The following VMP1 variants were observed in gnomAD, a reference collection of about 807,000 sequenced individuals.
VMP1 encodes vacuole membrane protein 1, also known as ectopic P-granules autophagy protein 3 homolog.
In VMP1, 11 loss-of-function variants were observed where a neutral mutation model predicts 56.0. The ratio of observed to expected loss-of-function variants is 0.20; its 90% confidence interval spans 0.12 to 0.32. The LOEUF is 0.32. Among genes scored for constraint, VMP1 ranks in the 10% least tolerant of loss-of-function variants. The pLI, the probability that VMP1 is intolerant of heterozygous loss-of-function variation, is 1.00. For synonymous variants in VMP1, 149 were observed against 165.0 expected, an observed-to-expected ratio of 0.90 and a Z score of 0.74; for missense variants, 296 against 490.3, an observed-to-expected ratio of 0.60 and a Z score of 3.74.
At chr17:59,831,871 GTGTT>G (rs1468342643) in intron 10 of VMP1, among the ~76,000 whole-genome samples, 3 of 151,378 alleles carry the variant, frequency 2.0e-5, no homozygotes, top group South Asian at 2.1e-4. Context: ...TGTTGGAAAT[GTGTT>G]TGTTTGTTTC....
At chr17:59,835,122 T>C (rs2038938234) in intron 10 of VMP1, among the ~76,000 whole-genome samples, 1 of 151,694 alleles carries the variant, frequency 6.6e-6, no homozygotes, top group East Asian at 2.0e-4. Flanking sequence ...TTTGTTTTTT[T>C]GCTTTTTTGT....
intron 1 of VMP1, among the ~76,000 whole-genome samples, chr17:59,712,118 G>T (rs1488103853): frequency 1.3e-5 from 2 of 152,196 alleles, no homozygotes; most frequent in African/African-American, 4.8e-5. Flanking sequence ...ATTTAGAACA[G>T]TGTCTGTAGC....
intron 10 of VMP1, among the ~76,000 whole-genome samples, chr17:59,822,232 T>C (rs1056468872): frequency 6.6e-6 from 1 of 152,028 alleles, no homozygotes; most frequent in Admixed American, 6.6e-5. Context: ...AAGGGTATCC[T>C]TTTAGTCTTT....
chr17:59,754,845 A>G (rs1243816594), intron 5 of VMP1, among the ~76,000 whole-genome samples: 2 of 152,198 alleles, frequency 1.3e-5, no homozygotes, highest in African/African-American at 4.8e-5. Flanking sequence ...GGTTTTTGCC[A>G]AGGAAAAGGG....
intron 1 of VMP1, among the ~76,000 whole-genome samples, chr17:59,728,279 T>A (rs1253183117): frequency 6.6e-6 from 1 of 152,326 alleles, no homozygotes; most frequent in Admixed American, 6.5e-5. Flanking sequence ...CCCATGACCA[T>A]ATCATATTCT....
chr17:59,776,603 C>T (rs1375020626), intron 7 of VMP1, among the ~76,000 whole-genome samples: 1 of 152,162 alleles, frequency 6.6e-6, no homozygotes. Context: ...TCCCAAATTT[C>T]ACATACTTAT....
chr17:59,767,980 C>A (rs1057248831), intron 6 of VMP1, among the ~76,000 whole-genome samples: 18 of 151,600 alleles, frequency 1.2e-4, no homozygotes, highest in Non-Finnish European at 1.5e-4. Context: ...CATGGTGGCT[C>A]ACACCTGTAT....
intron 7 of VMP1, among the ~76,000 whole-genome samples, chr17:59,807,200 T>C (rs2037872918): frequency 7.6e-6 from 1 of 131,672 alleles, no homozygotes; most frequent in Non-Finnish European, 1.6e-5. Context: ...TGTTTTTTTG[T>C]TTTTTTTTTT....
chr17:59,772,416 T>A (rs1352147628), intron 6 of VMP1, among the ~76,000 whole-genome samples: 1 of 152,144 alleles, frequency 6.6e-6, no homozygotes, highest in Non-Finnish European at 1.5e-5. Context: ...TTTCAGAGCA[T>A]TTGGAGGCAG....
chr17:59,794,209 C>T lies in VMP1; in HGVS notation c.715-14587C>T, dbSNP rs1484109366. 4.2e-5 allele frequency among the ~76,000 whole-genome samples: 6 copies of T among 142,296 alleles called. No homozygotes were observed. The South Asian group carries it at 6.8e-4, about 16-fold the overall frequency. The allele number at this position is 142,296 out of a possible 152,430, so 93.4% of individuals were successfully genotyped here. ...TGCTGGGATTACAGGTGTGAGTCAC[C>T]GCACCCGGCCTTTTTTTTTTTTTTT... On this transcript the variant is annotated intron_variant, in intron 7 of 11. Transcript: ENST00000262291.
At chr17:59,838,434 A>C (rs1361826103) in intron 11 of VMP1, 37 bp downstream of exon 11, 5 of 1,604,102 alleles carry the variant, frequency 3.1e-6, no homozygotes, top group Non-Finnish European at 3.4e-6. Context: ...CCCTCTGGGA[A>C]GTTTCGGGCT....
At chr17:59,748,146 A>G (rs1485902325) in intron 5 of VMP1, among the ~76,000 whole-genome samples, 1 of 151,198 alleles carries the variant, frequency 6.6e-6, no homozygotes, top group African/African-American at 2.4e-5. Flanking sequence ...CAGTGAGCCA[A>G]GATCATGCCG....
At chr17:59,826,759 C>T (rs1434966089) in intron 10 of VMP1, among the ~76,000 whole-genome samples, 2 of 152,322 alleles carry the variant, frequency 1.3e-5, no homozygotes, top group Non-Finnish European at 2.9e-5. Context: ...TGATTATCCT[C>T]ATGAACCAGT....
intron 5 of VMP1, among the ~76,000 whole-genome samples, chr17:59,740,573 T>C (rs1287868706): frequency 6.6e-6 from 1 of 152,224 alleles, no homozygotes; most frequent in Non-Finnish European, 1.5e-5. Context: ...TAATATATCA[T>C]TTCTCCAAGT....
rs1350238634 is a variant in VMP1, at chr17:59,736,543, A to G, written c.213-910A>G. 2.0e-5 allele frequency among the ~76,000 whole-genome samples: 3 copies of G among 150,526 alleles called. No individual in the cohort carries two copies. In the Admixed American group the frequency reaches 2.0e-4, roughly 10 times the overall value. The stretch of plus-strand genomic sequence containing the variant: ...TGGATCACCTGAGGTCAGGAATTCG[A>G]GACCACCCTGGCCAACATGGTGAAA... On this transcript the variant is annotated intron_variant, in intron 3 of 11. Transcript: ENST00000262291.
chr17:59,782,198 C>T (rs966865018), intron 7 of VMP1, among the ~76,000 whole-genome samples: 4 of 152,088 alleles, frequency 2.6e-5, no homozygotes, highest in African/African-American at 4.8e-5. Context: ...CATGAGCCAC[C>T]GCACCTGGCC....
At chr17:59,757,858 A>C (rs8075256) in intron 5 of VMP1, among the ~76,000 whole-genome samples, 55,315 of 103,100 alleles carry the variant, frequency 0.54, 12,351 homozygotes, top group African/African-American at 0.65. Flanking sequence ...TTTATTTGCC[A>C]CTTTTTTTTT....
At chr17:59,768,639 A>G (rs1446812778) in intron 6 of VMP1, among the ~76,000 whole-genome samples, 2 of 151,850 alleles carry the variant, frequency 1.3e-5, no homozygotes, top group Non-Finnish European at 2.9e-5. Context: ...GTAAAAACTG[A>G]ATATCCACAT....
At chr17:59,815,855 CAAAAAA>C (rs71145576) in intron 9 of VMP1, among the ~76,000 whole-genome samples, 2 of 106,374 alleles carry the variant, frequency 1.9e-5, no homozygotes, top group African/African-American at 4.1e-5. Context: ...GACTCCGTCT[CAAAAAA>C]AAAAAAAAAA....
Sources: gnomAD v4.1 joint callset for allele counts (sites outside exome capture counted in the v4.1 genomes callset) on GRCh38, gnomAD v4.1.1 for gene constraint, MANE v1.5 for transcripts, NCBI Gene and HGNC (gene_info 2026-07-23, HGNC 2026-07-21) for gene names.